Variants in NHERF2 observed in about 807,000 individuals in gnomAD.
NHERF2 encodes the protein Na(+)/H(+) exchange regulatory cofactor NHE-RF2.
At chr16:2,033,165 T>C in the NHERF2 span, 106 of 1,423,980 alleles carry the variant, frequency 7.4e-5, 1 homozygote, top group South Asian at 1.5e-3. Flanking sequence ...GGCTGGAGCC[T>C]TCGCAGGGGA....
the NHERF2 span, chr16:2,032,872 C>T: frequency 9.8e-7 from 1 of 1,018,878 alleles, no homozygotes; most frequent in Non-Finnish European, 1.2e-6. This position sits in a 1 kb window ranked among gnomAD's most constrained non-coding sequence, Gnocchi z 4.0. Context: ...CTGCCCCTAG[C>T]CCATGTCTCC....
chr16:2,029,103 A>C, the NHERF2 span, among the ~76,000 whole-genome samples: 4 of 152,182 alleles, frequency 2.6e-5, no homozygotes, highest in Admixed American at 6.5e-5. Context: ...GAATGACGGG[A>C]ATGGGCACAG....
the NHERF2 span, among the ~76,000 whole-genome samples, chr16:2,028,158 C>T: frequency 6.6e-6 from 1 of 152,254 alleles, no homozygotes; most frequent in South Asian, 2.1e-4. Context: ...AATCCATAAC[C>T]TGTCTACATG....
the NHERF2 span, among the ~76,000 whole-genome samples, chr16:2,030,619 T>C: frequency 4.6e-4 from 49 of 105,760 alleles, no homozygotes; most frequent in Admixed American, 6.7e-4. Context: ...CTCTCCTACC[T>C]TTTTTTTTTT....
chr16:2,034,305 G>C, the NHERF2 span, among the ~76,000 whole-genome samples: 5 of 151,886 alleles, frequency 3.3e-5, no homozygotes, highest in African/African-American at 9.6e-5. Flanking sequence ...CTGTCCCCAC[G>C]CCTTCCCTGC....
At chr16:2,028,251 C>T in the NHERF2 span, among the ~76,000 whole-genome samples, 1 of 152,226 alleles carries the variant, frequency 6.6e-6, no homozygotes, top group African/African-American at 2.4e-5. Flanking sequence ...CCTTGTCTGT[C>T]ACTCTGTCGG....
the NHERF2 span, among the ~76,000 whole-genome samples, chr16:2,031,765 C>T: frequency 6.6e-6 from 1 of 152,168 alleles, no homozygotes; most frequent in East Asian, 1.9e-4. Context: ...TTTCTTGGCT[C>T]ACTACAACCT....
chr16:2,032,825 C>T, the NHERF2 span: 1 of 999,216 alleles, frequency 1.0e-6, no homozygotes, highest in African/African-American at 1.7e-5. This position sits in a 1 kb window ranked among gnomAD's most constrained non-coding sequence, Gnocchi z 4.0. Context: ...CGGTGCCAGG[C>T]CCTGGAGGTG....
the NHERF2 span, among the ~76,000 whole-genome samples, chr16:2,028,874 C>G: frequency 6.6e-6 from 1 of 152,322 alleles, no homozygotes; most frequent in East Asian, 1.9e-4. Flanking sequence ...CACGCACACA[C>G]CGACGGCCAC....
At chr16:2,032,931 C>G in the NHERF2 span, 2 of 1,079,218 alleles carry the variant, frequency 1.9e-6, no homozygotes, top group South Asian at 5.0e-5. The surrounding 1 kb of genome is among the most constrained non-coding windows in gnomAD (Gnocchi z 4.0). Flanking sequence ...TGAGGGGTGA[C>G]AGTTCTGCGG....
the NHERF2 span, among the ~76,000 whole-genome samples, chr16:2,031,748 C>T: frequency 6.6e-6 from 1 of 152,126 alleles, no homozygotes; most frequent in East Asian, 1.9e-4. Flanking sequence ...GTTTCTTTTT[C>T]TTTTTCTTTC....
the NHERF2 span, among the ~76,000 whole-genome samples, chr16:2,031,404 C>T: frequency 6.6e-6 from 1 of 152,198 alleles, no homozygotes; most frequent in Non-Finnish European, 1.5e-5. Context: ...GAGGAAGCTC[C>T]CCCTCTGCCT....
At chr16:2,034,703 G>A in the NHERF2 span, among the ~76,000 whole-genome samples, 2 of 77,008 alleles carry the variant, frequency 2.6e-5, no homozygotes, top group Admixed American at 1.2e-4. Context: ...CCTGGGGGCC[G>A]TGCTCCACCT....
At chr16:2,036,033 C>T in the NHERF2 span, 2 of 435,010 alleles carry the variant, frequency 4.6e-6, no homozygotes, top group Non-Finnish European at 8.2e-6. Flanking sequence ...CTTCCTCCCA[C>T]CCTGCCTGTG....
At chr16:2,029,652 A>G in the NHERF2 span, 1 of 1,572,096 alleles carries the variant, frequency 6.4e-7, no homozygotes, top group Non-Finnish European at 8.6e-7. Context: ...ACAGATGAGG[A>G]GCTCCGCCGG....
the NHERF2 span, among the ~76,000 whole-genome samples, chr16:2,037,188 C>T: frequency 1.3e-5 from 2 of 152,200 alleles, no homozygotes; most frequent in African/African-American, 4.8e-5. Context: ...ACGTGGGGCC[C>T]CTGGGGTCGG....
chr16:2,035,226 C>T, the NHERF2 span, among the ~76,000 whole-genome samples: 256 of 152,254 alleles, frequency 1.7e-3, 1 homozygote, highest in African/African-American at 5.7e-3. Context: ...GAGAAGGACC[C>T]CCTTGCTCCC....
chr16:2,036,823 C>T, the NHERF2 span: 25 of 1,613,034 alleles, frequency 1.5e-5, no homozygotes, highest in East Asian at 4.5e-5. Flanking sequence ...TCGTGGACCC[C>T]GAGACAGATG....
chr16:2,028,164 A>G, the NHERF2 span, among the ~76,000 whole-genome samples: 1 of 152,230 alleles, frequency 6.6e-6, no homozygotes, highest in Non-Finnish European at 1.5e-5. Context: ...TAACCTGTCT[A>G]CATGGCTGGT....
Sources: allele counts gnomAD v4.1 joint callset (sites outside exome capture counted in the v4.1 genomes callset), GRCh38; gene constraint gnomAD v4.1.1; non-coding constraint Gnocchi (gnomAD v3.1); transcripts MANE v1.5; gene names NCBI Gene and HGNC (gene_info 2026-07-23, HGNC 2026-07-21).